Variants in DPP6 observed in about 807,000 individuals in gnomAD.
DPP6 encodes the protein A-type potassium channel modulatory protein DPP6.
Under a neutral mutation model 122.6 loss-of-function variants are expected in DPP6, and 69 were observed. The observed-to-expected ratio is 0.56, with a 90% CI of 0.46 to 0.69. DPP6 has a LOEUF of 0.69. Among genes scored for constraint, DPP6 ranks in the 30% least tolerant of loss-of-function variants. DPP6 has a pLI of 0.00. For synonymous variants in DPP6, 418 were observed against 433.1 expected (o/e 0.97, Z 0.43); for missense variants, 928 against 1,116.9 (o/e 0.83, Z 2.41).
chr7:154,801,498 C>G, intron 13 of DPP6, 36 bp downstream of exon 13: 1 of 1,537,650 alleles, frequency 6.5e-7, no homozygotes, highest in South Asian at 1.2e-5. Context: ...GAACTAGAAA[C>G]TGGCCTGCTA....
At chr7:154,375,408 G>A (rs1024830685) in intron 1 of DPP6, among the ~76,000 whole-genome samples, 2 of 152,120 alleles carry the variant, frequency 1.3e-5, no homozygotes, top group African/African-American at 4.8e-5. Context: ...TCTATCAGCT[G>A]ACCTTTATTC....
intron 2 of DPP6, among the ~76,000 whole-genome samples, chr7:154,461,567 G>T (rs1482304609): frequency 6.6e-6 from 1 of 152,132 alleles, no homozygotes; most frequent in Non-Finnish European, 1.5e-5. Flanking sequence ...TTTTTAACTG[G>T]GGTGAGATGG....
At chr7:153,763,542 G>A in the DPP6 span, among the ~76,000 whole-genome samples, 11 of 152,134 alleles carry the variant, frequency 7.2e-5, no homozygotes, top group Non-Finnish European at 1.5e-4. Flanking sequence ...AGACAAAAGG[G>A]AACAAGGAAA....
chr7:153,963,558 T>C (rs1437422672), intron 1 of DPP6, among the ~76,000 whole-genome samples: 1 of 151,214 alleles, frequency 6.6e-6, no homozygotes, highest in Admixed American at 6.6e-5. Context: ...AATATGTGTC[T>C]ACAGCCTGTG....
chr7:154,745,310 G>A (rs1280481707), intron 8 of DPP6, among the ~76,000 whole-genome samples: 1 of 152,210 alleles, frequency 6.6e-6, no homozygotes, highest in East Asian at 1.9e-4. Context: ...CCTAGAGCCA[G>A]TTGTCAACAT....
intron 16 of DPP6, among the ~76,000 whole-genome samples, chr7:154,832,982 G>T (rs1800750744): frequency 6.6e-6 from 1 of 152,244 alleles, no homozygotes; most frequent in Admixed American, 6.5e-5. Flanking sequence ...CCAATATTTG[G>T]CAGATGCCAG....
At chr7:153,819,067 C>T in the DPP6 span, among the ~76,000 whole-genome samples, 6 of 68,560 alleles carry the variant, frequency 8.8e-5, no homozygotes, top group Middle Eastern at 6.6e-3. Flanking sequence ...TTTTTTTCCC[C>T]TTTTCTTTTC....
At chr7:153,990,255 TG>T (rs373762200) in intron 1 of DPP6, among the ~76,000 whole-genome samples, 1,403 of 99,326 alleles carry the variant, frequency 0.014, 21 homozygotes, top group African/African-American at 0.024. Context: ...CAGCCCCACC[TG>T]CTTCCAGCCT....
intron 1 of DPP6, among the ~76,000 whole-genome samples, chr7:154,352,646 A>T (rs1203267074): frequency 6.8e-6 from 1 of 146,074 alleles, no homozygotes; most frequent in Non-Finnish European, 1.5e-5. Context: ...GGACACAGGG[A>T]GGGGAACATC....
At chr7:153,899,815 C>T (rs550007888) in intron 1 of DPP6, among the ~76,000 whole-genome samples, 2 of 152,292 alleles carry the variant, frequency 1.3e-5, no homozygotes, top group South Asian at 2.1e-4. Context: ...CAGGTGTGTA[C>T]TCACATGCGT....
the DPP6 span, among the ~76,000 whole-genome samples, chr7:153,794,710 C>G: frequency 3.3e-5 from 5 of 152,042 alleles, no homozygotes; most frequent in Non-Finnish European, 5.9e-5. Context: ...TGTCCCCACC[C>G]AAATCTCAAC....
chr7:154,602,301 A>G (rs1833436221), intron 5 of DPP6, among the ~76,000 whole-genome samples: 1 of 120,662 alleles, frequency 8.3e-6, no homozygotes, highest in South Asian at 3.4e-4. Context: ...TTTGTTGTTC[A>G]TTTCATTTCT....
the DPP6 span, among the ~76,000 whole-genome samples, chr7:153,771,734 A>G: frequency 6.6e-6 from 1 of 152,196 alleles, no homozygotes; most frequent in East Asian, 1.9e-4. Flanking sequence ...AAGGAGAAAT[A>G]AAGACTTTGT....
chr7:154,113,548 C>A (rs1806761641), intron 1 of DPP6, among the ~76,000 whole-genome samples: 1 of 152,078 alleles, frequency 6.6e-6, no homozygotes, highest in South Asian at 2.1e-4. Context: ...TGATGTTGAA[C>A]ATCTTTTTAT....
chr7:154,173,165 G>A (rs1437622994), intron 1 of DPP6, among the ~76,000 whole-genome samples: 1 of 152,110 alleles, frequency 6.6e-6, no homozygotes, highest in Non-Finnish European at 1.5e-5. Context: ...TGAAGTCTTG[G>A]TTAATTTATC....
At chr7:154,376,147 G>A (rs1423597826) in intron 1 of DPP6, among the ~76,000 whole-genome samples, 1 of 152,180 alleles carries the variant, frequency 6.6e-6, no homozygotes, top group Non-Finnish European at 1.5e-5. Flanking sequence ...CTGCAGCATT[G>A]GGTAATTTGC....
At chr7:154,029,639 G>A (rs1799126007) in intron 1 of DPP6, among the ~76,000 whole-genome samples, 1 of 149,484 alleles carries the variant, frequency 6.7e-6, no homozygotes, top group South Asian at 2.1e-4. Context: ...GAGGTCAGGA[G>A]ATCGAGACCA....
intron 1 of DPP6, among the ~76,000 whole-genome samples, chr7:153,928,411 T>TTTTTTTTG: frequency 8.1e-6 from 1 of 123,180 alleles, no homozygotes; most frequent in East Asian, 2.2e-4. Context: ...TTTTTTTTTT[T>TTTTTTTTG]TTTTTTTTTT....
upstream of DPP6, among the ~76,000 whole-genome samples, chr7:153,883,390 C>CT (rs11399982): frequency 0.62 from 93,705 of 150,762 alleles, 29,486 homozygotes; most frequent in African/African-American, 0.72. Flanking sequence ...TTTTTTTGTT[C>CT]TTTTTTTTTG....
Sources: gnomAD v4.1 joint callset for allele counts (sites outside exome capture counted in the v4.1 genomes callset) on GRCh38, gnomAD v4.1.1 for gene constraint, MANE v1.5 for transcripts, NCBI Gene and HGNC (gene_info 2026-07-23, HGNC 2026-07-21) for gene names.